The following TENM3 variants were observed in gnomAD, a reference collection of about 807,000 sequenced individuals.
TENM3 encodes teneurin-3.
In TENM3, 63 loss-of-function variants were observed where a neutral mutation model predicts 255.1. The observed-to-expected ratio is 0.25, with a 90% confidence interval of 0.20 to 0.30. The LOEUF (loss-of-function observed/expected upper bound fraction) is 0.30. Among genes scored for constraint, TENM3 ranks in the 10% least tolerant of loss-of-function variants. The pLI, the probability that TENM3 is intolerant of heterozygous loss-of-function variation, is 1.00. For missense variants in TENM3, 2,929 were observed against 3,461.1 expected (o/e 0.85, Z 3.86); for synonymous variants, 1,306 against 1,322.3 (o/e 0.99, Z 0.27).
At chr4:181,907,897 A>G in the TENM3 span, among the ~76,000 whole-genome samples, 1 of 152,184 alleles carries the variant, frequency 6.6e-6, no homozygotes, top group East Asian at 1.9e-4. Flanking sequence ...CATGCATTTA[A>G]AGAAGTATTT....
chr4:182,564,328 A>G (rs1468857738), intron 3 of TENM3, among the ~76,000 whole-genome samples: 3 of 151,274 alleles, frequency 2.0e-5, no homozygotes, highest in African/African-American at 7.3e-5. Context: ...AAGAAATTGT[A>G]TAAAAAATAG....
At chr4:182,244,155 A>G (rs539344576) in intron 1 of TENM3, among the ~76,000 whole-genome samples, 4,052 of 148,682 alleles carry the variant, frequency 0.027, 62 homozygotes, top group Non-Finnish European at 0.038. Context: ...GGGTTTCACC[A>G]TTTTAGCCGG....
intron 1 of TENM3, among the ~76,000 whole-genome samples, chr4:182,314,249 C>T (rs1224904758): frequency 6.6e-6 from 1 of 151,564 alleles, no homozygotes; most frequent in Non-Finnish European, 1.5e-5. Flanking sequence ...TGCAGTGAGC[C>T]GAGATCGCGC....
the TENM3 span, among the ~76,000 whole-genome samples, chr4:181,747,611 T>C: frequency 6.6e-6 from 1 of 152,026 alleles, no homozygotes; most frequent in South Asian, 2.1e-4. Context: ...ATTATTATTT[T>C]ACATGTATCA....
the TENM3 span, among the ~76,000 whole-genome samples, chr4:181,558,971 G>A: frequency 1.3e-5 from 2 of 152,066 alleles, no homozygotes; most frequent in African/African-American, 4.8e-5. Flanking sequence ...ATATGTTGAT[G>A]TGCTGGCTAG....
intron 2 of TENM3, among the ~76,000 whole-genome samples, chr4:182,333,301 G>GTT (rs1413557146): frequency 2.0e-5 from 3 of 152,178 alleles, no homozygotes; most frequent in Admixed American, 1.3e-4. Context: ...CTGCTTTTCA[G>GTT]TAGGTGTGTA....
At chr4:181,465,707 A>G in the TENM3 span, among the ~76,000 whole-genome samples, 23 of 152,314 alleles carry the variant, frequency 1.5e-4, 1 homozygote, top group East Asian at 3.9e-3. Context: ...TAAAAGATCA[A>G]TAGGACTGAC....
chr4:181,800,867 A>T, the TENM3 span, among the ~76,000 whole-genome samples: 2 of 152,198 alleles, frequency 1.3e-5, no homozygotes, highest in Non-Finnish European at 2.9e-5. Flanking sequence ...CTTACTATGA[A>T]TAAAATGCCG....
chr4:181,991,187 G>GA, the TENM3 span, among the ~76,000 whole-genome samples: 2 of 152,176 alleles, frequency 1.3e-5, no homozygotes, highest in African/African-American at 2.4e-5. Context: ...CACTTAGGAA[G>GA]AAAAAATGCT....
intron 1 of TENM3, among the ~76,000 whole-genome samples, chr4:182,214,752 GA>G (rs201164562): frequency 3.3e-5 from 5 of 151,978 alleles, no homozygotes; most frequent in Admixed American, 1.3e-4. Context: ...TAAGAGTTAG[GA>G]AAAAAATGAT....
the TENM3 span, among the ~76,000 whole-genome samples, chr4:182,094,705 T>C: frequency 6.6e-6 from 1 of 152,040 alleles, no homozygotes; most frequent in Non-Finnish European, 1.5e-5. Context: ...AGATGTGTCC[T>C]CGAAAAAGAA....
At chr4:182,077,388 G>T in the TENM3 span, among the ~76,000 whole-genome samples, 1 of 152,020 alleles carries the variant, frequency 6.6e-6, no homozygotes, top group African/African-American at 2.4e-5. Flanking sequence ...ACTGTTTGTG[G>T]GATGATATGT....
At chr4:182,157,018 G>A (rs1312088077) in intron 1 of TENM3, among the ~76,000 whole-genome samples, 2 of 152,202 alleles carry the variant, frequency 1.3e-5, no homozygotes, top group African/African-American at 4.8e-5. Context: ...CAGATCGTAT[G>A]TAAATAGCCC....
chr4:182,562,923 A>G lies in TENM3; in HGVS notation c.512-38001A>G, dbSNP rs80342946. 6.7e-3 allele frequency among the ~76,000 whole-genome samples: 1,017 copies of G among 152,298 alleles called. 38 individuals carry two copies. The East Asian group carries it at 0.081, about 12-fold the overall frequency. Reference sequence around the variant, plus strand: ...CTTTGCCAGCCTCATTGTTTCTAGCATAAGTCCAAACTTTTGAAATTTAAA... The same window carrying G: ...CTTTGCCAGCCTCATTGTTTCTAGCGTAAGTCCAAACTTTTGAAATTTAAA... On this transcript the variant is annotated intron_variant, in intron 3 of 27. Coordinates refer to ENST00000511685, the MANE Select transcript of TENM3 (RefSeq NM_001080477.4).
At chr4:181,825,961 G>A in the TENM3 span, among the ~76,000 whole-genome samples, 2 of 152,078 alleles carry the variant, frequency 1.3e-5, no homozygotes, top group Admixed American at 6.5e-5. Context: ...TTCTAATAGT[G>A]ACCCCAAAAC....
the TENM3 span, among the ~76,000 whole-genome samples, chr4:181,972,424 G>A: frequency 8.4e-6 from 1 of 118,590 alleles, no homozygotes; most frequent in East Asian, 2.4e-4. Context: ...GACAGAGTGA[G>A]ACCTCCTTGT....
intron 1 of TENM3, among the ~76,000 whole-genome samples, chr4:182,288,650 C>T (rs1760907661): frequency 6.6e-6 from 1 of 152,150 alleles, no homozygotes; most frequent in Admixed American, 6.5e-5. Context: ...CTGCCATTTC[C>T]ATGTTTTAGG....
At chr4:181,704,463 G>A in the TENM3 span, among the ~76,000 whole-genome samples, 1 of 152,180 alleles carries the variant, frequency 6.6e-6, no homozygotes, top group African/African-American at 2.4e-5. Flanking sequence ...TCCCTCACCA[G>A]TATGTCATCT....
Position 182,543,171 on chromosome 4 carries a change from A to C in TENM3, c.512-57753A>C, listed in dbSNP as rs368157729. ...GATGGAGGGATGCATGGATGGATGC[A>C]TGGATGCAAGGATGGAGGGATGCAT... On this transcript the variant is annotated intron_variant, in intron 3 of 27. Transcript: ENST00000511685. 4.6e-5 allele frequency among the ~76,000 whole-genome samples: 7 copies of C among 152,062 alleles called. No individual in the cohort carries two copies. In the South Asian group the frequency reaches 6.2e-4, roughly 14 times the overall value.
Sources: gnomAD v4.1 joint callset for allele counts (sites outside exome capture counted in the v4.1 genomes callset) on GRCh38, gnomAD v4.1.1 for gene constraint, MANE v1.5 for transcripts, NCBI Gene and HGNC (gene_info 2026-07-23, HGNC 2026-07-21) for gene names.